ARHGEF26: variants seen among roughly 807,000 people sequenced by gnomAD.
ARHGEF26 encodes Rho guanine nucleotide exchange factor (GEF) 26.
ARHGEF26 carries 59 observed loss-of-function variants against 89.4 expected under a neutral mutation model. The observed-to-expected ratio is 0.66, with a 90% CI of 0.54 to 0.82. ARHGEF26 has a LOEUF of 0.82. ARHGEF26 is among the 40% of genes least tolerant of loss of function. The pLI is 0.00. For synonymous variants in ARHGEF26, 500 were observed against 428.4 expected, an observed-to-expected ratio of 1.17 and a Z score of -2.06; for missense variants, 1,234 against 1,085.6, an observed-to-expected ratio of 1.14 and a Z score of -1.92.
Position 154,122,295 on chromosome 3 carries a change from C to T in ARHGEF26, c.303C>T (p.Tyr101=), listed in dbSNP as rs745766775. The stretch of plus-strand genomic sequence containing the variant: ...ATGGTGGGACGGCATCCCCGGAGTA[C>T]AGGGCTGCCTCTCCTCGACTTCGAC... The part of the protein sequence containing the change: ...VANGGTASPE[Y]RAASPRLRRP... Residue 101 remains tyrosine, a synonymous_variant, in exon 2 of 15, where the codon TAC becomes TAT. Transcript: ENST00000465093. The T allele has an allele frequency of 1.9e-6, 3 of 1,612,764 alleles. No individual in the cohort carries two copies. Among genetic ancestry groups the T allele is most frequent in the South Asian group, 1.1e-5 (1 of 91,066 alleles).
intron 9 of ARHGEF26, among the ~76,000 whole-genome samples, chr3:154,205,700 A>G (rs1714975335): frequency 6.6e-6 from 1 of 152,148 alleles, no homozygotes; most frequent in South Asian, 2.1e-4. Flanking sequence ...ATTATAACCC[A>G]TTATTTTAAC....
chr3:154,234,927 G>C (rs911065390), intron 11 of ARHGEF26, among the ~76,000 whole-genome samples: 1 of 151,984 alleles, frequency 6.6e-6, no homozygotes, highest in African/African-American at 2.4e-5. Context: ...CACCGCGCCC[G>C]GCTAATTTTT....
rs114612328 is a variant in ARHGEF26, at chr3:154,248,392, A to G, written c.2301-4724A>G. Among the ~76,000 whole-genome samples, 331 of 152,334 alleles carry G rather than the reference A, an allele frequency of 2.2e-3. 1 individual carries two copies. Among genetic ancestry groups the G allele is most frequent in the Non-Finnish European group, 3.4e-3 (234 of 68,030 alleles). On this transcript the variant is annotated intron_variant, in intron 12 of 14. Transcript: ENST00000465093. ...TAACAACAGGAAGTACATGGAATGG[A>G]ATAAAATTGTAAATAGTATCTCTGA...
intron 4 of ARHGEF26, among the ~76,000 whole-genome samples, chr3:154,148,717 C>T (rs1433957855): frequency 6.6e-6 from 1 of 152,144 alleles, no homozygotes; most frequent in East Asian, 1.9e-4. Flanking sequence ...AATTCCTGCT[C>T]AGGGTTAACC....
At position 154,256,994 on chromosome 3, in the gene ARHGEF26, G is replaced by T; in HGVS notation, c.*1521G>T. 6.6e-7 allele frequency: 1 copy of T among 1,513,876 alleles called. No individual in the cohort carries two copies. Among genetic ancestry groups the T allele is most frequent in the Non-Finnish European group, 8.8e-7 (1 of 1,137,866 alleles). The allele number at this position is 1,513,876 out of a possible 1,614,324, so 93.8% of individuals were successfully genotyped here. Reference sequence around the variant, plus strand: ...CTCTGTTCTATTTGCTTTAACAAAGGGATAAAACCTGGCAAAGTGTACATT... The same window carrying T: ...CTCTGTTCTATTTGCTTTAACAAAGTGATAAAACCTGGCAAAGTGTACATT... On this transcript the variant is annotated 3_prime_UTR_variant, in exon 15 of 15. Coordinates refer to ENST00000465093, the MANE Select transcript of ARHGEF26 (RefSeq NM_015595.4).
intron 8 of ARHGEF26, among the ~76,000 whole-genome samples, chr3:154,193,095 C>A (rs1226246759): frequency 1.3e-5 from 2 of 152,016 alleles, no homozygotes; most frequent in African/African-American, 4.8e-5. Context: ...CTTTTCTTCC[C>A]AGAGAATATG....
At chr3:154,196,756 T>C (rs1417918331) in intron 9 of ARHGEF26, among the ~76,000 whole-genome samples, 3 of 152,040 alleles carry the variant, frequency 2.0e-5, no homozygotes, top group East Asian at 1.9e-4. Context: ...TCAAGTCCTG[T>C]GCTGCTTTCC....
At chr3:154,200,543 G>A (rs1004158224) in intron 9 of ARHGEF26, among the ~76,000 whole-genome samples, 9 of 151,608 alleles carry the variant, frequency 5.9e-5, no homozygotes, top group Non-Finnish European at 1.3e-4. Flanking sequence ...GGCTATTCTG[G>A]GTCTTTTGTG....
At chr3:154,229,625 T>C (rs1167678738) in intron 11 of ARHGEF26, among the ~76,000 whole-genome samples, 1 of 152,180 alleles carries the variant, frequency 6.6e-6, no homozygotes, top group African/African-American at 2.4e-5. Flanking sequence ...TGTGCAATAA[T>C]GTAGGATGTT....
intron 8 of ARHGEF26, among the ~76,000 whole-genome samples, chr3:154,192,279 A>G (rs1419314613): frequency 6.6e-6 from 1 of 152,252 alleles, no homozygotes; most frequent in Non-Finnish European, 1.5e-5. Context: ...TAATCAAAAC[A>G]AAGTAAAATA....
At chr3:154,187,141 C>T (rs1363864290) in intron 6 of ARHGEF26, 10 of 692,716 alleles carry the variant, frequency 1.4e-5, no homozygotes, top group East Asian at 1.3e-4. Flanking sequence ...CCACCCGCTT[C>T]GGCCTCCCAG....
chr3:154,228,178 C>G (rs1012095443), intron 11 of ARHGEF26, among the ~76,000 whole-genome samples: 1 of 150,818 alleles, frequency 6.6e-6, no homozygotes, highest in Non-Finnish European at 1.5e-5. Flanking sequence ...CTGTTGTTGC[C>G]CAGGCTGGAG....
Position 154,122,803 on chromosome 3 carries a change from C to T in ARHGEF26, c.811C>T (p.Pro271Ser), listed in dbSNP as rs753925169. 15 of 1,611,554 alleles carry T rather than the reference C, an allele frequency of 9.3e-6. No individual in the cohort carries two copies. Among genetic ancestry groups the T allele is most frequent in the South Asian group, 3.3e-5 (3 of 90,572 alleles). Residue 271 changes from proline (P) to serine (S), a missense_variant, in exon 2 of 15, where the codon CCC (proline) becomes TCC (serine). By Grantham distance (74) the Pro-to-Ser change is moderately conservative. Transcript: ENST00000465093. ...ISKSNNQNVEPHKRLLKVRSM... is the reference protein window; with the variant it reads ...ISKSNNQNVESHKRLLKVRSM... ...TAAATCCAACAATCAAAATGTGGAG[C>T]CCCACAAGAGACTCCTCAAGGTGCG...
At chr3:154,180,729 A>C (rs357469) in intron 6 of ARHGEF26, among the ~76,000 whole-genome samples, 101,022 of 148,704 alleles carry the variant, frequency 0.68, 34,512 homozygotes, top group East Asian at 0.86. Context: ...TCTTATTATC[A>C]ATCCAGAGAT....
At chr3:154,167,901 A>G (rs894155321) in intron 6 of ARHGEF26, among the ~76,000 whole-genome samples, 3 of 152,202 alleles carry the variant, frequency 2.0e-5, no homozygotes, top group Admixed American at 2.0e-4. Context: ...TCTGTAACTC[A>G]TGATTGCAGT....
chr3:154,179,766 G>A (rs1365770330), intron 6 of ARHGEF26, among the ~76,000 whole-genome samples: 2 of 152,202 alleles, frequency 1.3e-5, no homozygotes, highest in African/African-American at 4.8e-5. Flanking sequence ...GATACTGGAT[G>A]TTGGTTACTG....
At chr3:154,196,469 T>C (rs527534465) in intron 9 of ARHGEF26, among the ~76,000 whole-genome samples, 6 of 152,180 alleles carry the variant, frequency 3.9e-5, no homozygotes, top group Non-Finnish European at 8.8e-5. Context: ...TGTACCACTT[T>C]GCTATGAAGT....
chr3:154,151,581 T>A (rs1360414970), intron 5 of ARHGEF26, among the ~76,000 whole-genome samples: 1 of 152,220 alleles, frequency 6.6e-6, no homozygotes, highest in African/African-American at 2.4e-5. Flanking sequence ...TAAATGAGAC[T>A]CTTAACATTC....
At chr3:154,182,382 C>A (rs1057046502) in intron 6 of ARHGEF26, among the ~76,000 whole-genome samples, 2 of 152,158 alleles carry the variant, frequency 1.3e-5, no homozygotes, top group African/African-American at 4.8e-5. Flanking sequence ...ATGAATAACC[C>A]CCAGAGGGCT....
Sources: allele counts gnomAD v4.1 joint callset (sites outside exome capture counted in the v4.1 genomes callset), GRCh38; gene constraint gnomAD v4.1.1; transcripts MANE v1.5; gene names NCBI Gene and HGNC (gene_info 2026-07-23, HGNC 2026-07-21).